Variants in TLK1 observed in about 807,000 individuals in gnomAD.
The protein encoded by TLK1 is tousled like kinase 1, also known as serine/threonine-protein kinase tousled-like 1.
A neutral mutation model predicts 105.3 loss-of-function variants in TLK1; 24 were observed. The ratio of observed to expected loss-of-function variants is 0.23; its 90% CI spans 0.17 to 0.32. The LOEUF is 0.32. Among genes scored for constraint, TLK1 ranks in the 10% least tolerant of loss-of-function variants. The pLI is 1.00. For missense variants in TLK1, 558 were observed against 910.5 expected (o/e 0.61, Z 4.98); for synonymous variants, 321 against 310.4 (o/e 1.03, Z -0.36).
At chr2:171,009,549 T>C (rs1684810026) in intron 14 of TLK1, among the ~76,000 whole-genome samples, 1 of 152,102 alleles carries the variant, frequency 6.6e-6, no homozygotes, top group East Asian at 1.9e-4. Context: ...TCAGGCAATC[T>C]GCCTGCCTTG....
intron 1 of TLK1, among the ~76,000 whole-genome samples, chr2:171,214,642 A>G (rs1190414514): frequency 2.0e-5 from 3 of 152,118 alleles, no homozygotes; most frequent in Admixed American, 2.0e-4. Context: ...AAAAATTTGC[A>G]TTTCTATTAA....
At chr2:171,055,048 A>G in intron 7 of TLK1, 35 bp downstream of exon 7, 1 of 1,257,766 alleles carries the variant, frequency 8.0e-7, no homozygotes, top group Non-Finnish European at 1.1e-6. Flanking sequence ...GGTTTCTTAG[A>G]AGCCATAGAA....
At chr2:171,024,762 G>C (rs1390437818) in intron 12 of TLK1, among the ~76,000 whole-genome samples, 1 of 152,130 alleles carries the variant, frequency 6.6e-6, no homozygotes, top group Admixed American at 6.5e-5. Context: ...TGTAATTAAT[G>C]TTCACTCAAA....
In TLK1 at chr2:171,050,626, A is replaced by T. The variant is rs138126537; in HGVS notation, c.733-452T>A. ...TTTTCCTCTATCTCTTATAACTAACAAAATATTTTCTCCACTGAACTTATA... is the reference window on the plus strand; with the variant it reads ...TTTTCCTCTATCTCTTATAACTAACTAAATATTTTCTCCACTGAACTTATA... On this transcript the variant is annotated intron_variant, in intron 8 of 20. Coordinates refer to ENST00000431350, the MANE Select transcript of TLK1 (RefSeq NM_012290.5). 5.5e-3 allele frequency among the ~76,000 whole-genome samples: 834 copies of T among 152,342 alleles called. 8 individuals are homozygous for T. The highest frequency in any genetic ancestry group is 0.01 in the South Asian group (49 of 4,832).
intron 1 of TLK1, among the ~76,000 whole-genome samples, chr2:171,220,150 G>T (rs1693781329): frequency 6.6e-6 from 1 of 152,152 alleles, no homozygotes; most frequent in Non-Finnish European, 1.5e-5. Flanking sequence ...AGTTAAATCT[G>T]CAAAGACCCT....
chr2:171,085,076 T>TA (rs1688910611), intron 2 of TLK1, among the ~76,000 whole-genome samples: 1 of 151,994 alleles, frequency 6.6e-6, no homozygotes, highest in Admixed American at 6.5e-5. Context: ...CAGAAAATAG[T>TA]AAAAACTGTA....
intron 1 of TLK1, among the ~76,000 whole-genome samples, chr2:171,141,770 T>C (rs993747260): frequency 1.3e-5 from 2 of 151,054 alleles, no homozygotes; most frequent in African/African-American, 4.9e-5. Flanking sequence ...AAAAAAGCAT[T>C]ATCAGATAAG....
intron 14 of TLK1, 32 bp downstream of exon 14, chr2:171,011,341 G>A (rs777831257): frequency 1.9e-6 from 3 of 1,562,446 alleles, no homozygotes; most frequent in African/African-American, 2.7e-5. Context: ...TGCTACATTA[G>A]TGTAAAAAAA....
chr2:171,227,902 G>A (rs1271051205), intron 1 of TLK1, among the ~76,000 whole-genome samples: 2 of 152,080 alleles, frequency 1.3e-5, no homozygotes, highest in Non-Finnish European at 2.9e-5. Flanking sequence ...AAGGCCAGAC[G>A]CGGTGGCTCA....
chr2:171,219,298 G>A (rs1405374844), intron 1 of TLK1, among the ~76,000 whole-genome samples: 1 of 152,106 alleles, frequency 6.6e-6, no homozygotes, highest in African/African-American at 2.4e-5. Flanking sequence ...GCATTCCTTG[G>A]CTTGTGGCTG....
chr2:171,005,273 G>C (rs537316743), intron 18 of TLK1, among the ~76,000 whole-genome samples: 50 of 152,316 alleles, frequency 3.3e-4, no homozygotes, highest in African/African-American at 1.1e-3. Context: ...AGTAGTTTTT[G>C]TGAACACGTA....
intron 11 of TLK1, among the ~76,000 whole-genome samples, chr2:171,038,741 G>A (rs190492281): frequency 6.6e-6 from 1 of 152,106 alleles, no homozygotes; most frequent in Non-Finnish European, 1.5e-5. Context: ...ATTTGCCGAG[G>A]CTTGCTTTAT....
At chr2:171,030,298 G>A (rs1320408036) in intron 11 of TLK1, among the ~76,000 whole-genome samples, 3 of 131,048 alleles carry the variant, frequency 2.3e-5, no homozygotes, top group South Asian at 3.4e-4. Flanking sequence ...TATTCCACCC[G>A]CAACATCTTA....
intron 1 of TLK1, among the ~76,000 whole-genome samples, chr2:171,203,166 TA>T (rs1216690684): frequency 1.3e-5 from 2 of 152,224 alleles, no homozygotes; most frequent in African/African-American, 4.8e-5. Flanking sequence ...GCATAATTTT[TA>T]AAAAATGTTT....
intron 1 of TLK1, among the ~76,000 whole-genome samples, chr2:171,123,694 G>A (rs867123212): frequency 1.3e-5 from 2 of 152,148 alleles, no homozygotes; most frequent in Non-Finnish European, 2.9e-5. Flanking sequence ...ACCTATGGTC[G>A]CAGCTACTCA....
At chr2:171,219,494 G>T (rs1359243370) in intron 1 of TLK1, among the ~76,000 whole-genome samples, 1 of 152,200 alleles carries the variant, frequency 6.6e-6, no homozygotes, top group Non-Finnish European at 1.5e-5. Context: ...TAGGGTGACA[G>T]CATGGTCACA....
chr2:171,054,500 T>A (rs1687400747), intron 7 of TLK1: 4 of 152,414 alleles, frequency 2.6e-5, no homozygotes, highest in African/African-American at 9.6e-5. Flanking sequence ...AAAGAGGTTT[T>A]GATACATGCA....
At chr2:171,135,186 T>C (rs543713363) in intron 1 of TLK1, among the ~76,000 whole-genome samples, 1 of 152,224 alleles carries the variant, frequency 6.6e-6, no homozygotes, top group Admixed American at 6.5e-5. Context: ...TAATGATATA[T>C]GACATGTATT....
chr2:171,018,670 C>T (rs1685323819), intron 12 of TLK1, among the ~76,000 whole-genome samples: 2 of 152,098 alleles, frequency 1.3e-5, no homozygotes, highest in South Asian at 2.1e-4. Flanking sequence ...CTAGGCCAGA[C>T]GAGTAGACTG....
Sources: allele counts gnomAD v4.1 joint callset (sites outside exome capture counted in the v4.1 genomes callset), GRCh38; gene constraint gnomAD v4.1.1; transcripts MANE v1.5; gene names NCBI Gene and HGNC (gene_info 2026-07-23, HGNC 2026-07-21).